VDAC1: variants seen among roughly 807,000 people sequenced by gnomAD.
The protein encoded by VDAC1 is non-selective voltage-gated ion channel VDAC1.
In VDAC1, 10 loss-of-function variants were observed where a neutral mutation model predicts 34.7. That is an observed-to-expected ratio of 0.29 (90% CI 0.18 to 0.49). The LOEUF (loss-of-function observed/expected upper bound fraction) is 0.49. Ranked by LOEUF, VDAC1 falls within the 20% of genes least tolerant of loss-of-function variation. The pLI is 0.99. For missense variants in VDAC1, 230 were observed against 347.9 expected (o/e 0.66, Z 2.69); for synonymous variants, 130 against 136.0 (o/e 0.96, Z 0.30).
intron 6 of VDAC1, among the ~76,000 whole-genome samples, chr5:133,978,681 AG>A (rs1487604348): frequency 6.6e-6 from 1 of 152,230 alleles, no homozygotes; most frequent in Non-Finnish European, 1.5e-5. Context: ...TCCTAAAACC[AG>A]GAACACAATA....
chr5:133,974,539 G>C (rs1752406104), intron 7 of VDAC1, among the ~76,000 whole-genome samples: 2 of 152,228 alleles, frequency 1.3e-5, no homozygotes, highest in African/African-American at 4.8e-5. Flanking sequence ...ACAGGAACTG[G>C]TATTAATGGA....
the VDAC1 span, among the ~76,000 whole-genome samples, chr5:134,010,958 A>G: frequency 7.1e-6 from 1 of 141,702 alleles, no homozygotes; most frequent in East Asian, 2.0e-4. Flanking sequence ...TTCCTCCCCT[A>G]CCCCCATTCC....
chr5:134,097,914 AGCTGGAGT>A, the VDAC1 span, among the ~76,000 whole-genome samples: 6 of 151,222 alleles, frequency 4.0e-5, no homozygotes, highest in African/African-American at 1.2e-4. Context: ...CTAGTTGCCT[AGCTGGAGT>A]GCAACGGCAA....
In VDAC1 at chr5:133,973,890, A is replaced by G. The variant is rs751322449; in HGVS notation, c.703-42T>C. 7 of 1,583,442 alleles carry G rather than the reference A, an allele frequency of 4.4e-6. No homozygotes were observed. The Admixed American group carries it at 1.1e-4, about 26-fold the overall frequency. On this transcript the variant is annotated intron_variant, in intron 7 of 8. Transcript: ENST00000265333. ...CAAAACAGAGAAAACATTAAGTATA[A>G]TACTTTGCACTTCCATCTCCAAAAT...
At chr5:133,990,515 T>C (rs1376816246) in intron 5 of VDAC1, among the ~76,000 whole-genome samples, 2 of 152,182 alleles carry the variant, frequency 1.3e-5, no homozygotes. Context: ...CTGGTCTGAA[T>C]CCTCTATTAG....
At chr5:134,038,286 A>C in the VDAC1 span, among the ~76,000 whole-genome samples, 9 of 152,346 alleles carry the variant, frequency 5.9e-5, no homozygotes, top group African/African-American at 2.2e-4. Context: ...AAACCACATA[A>C]ATATCTGGGG....
At chr5:134,009,106 G>A (rs185053250), upstream of VDAC1, among the ~76,000 whole-genome samples, 20 of 152,052 alleles carry the variant, frequency 1.3e-4, no homozygotes, top group Non-Finnish European at 2.8e-4. Context: ...AGGTGTCCTA[G>A]ATCTAATCTA....
At chr5:134,064,342 G>C in the VDAC1 span, among the ~76,000 whole-genome samples, 2 of 151,664 alleles carry the variant, frequency 1.3e-5, no homozygotes, top group Non-Finnish European at 2.9e-5. Context: ...GTCTTATTCT[G>C]TCACCCAGGC....
At chr5:134,010,968 C>T in the VDAC1 span, among the ~76,000 whole-genome samples, 1 of 137,246 alleles carries the variant, frequency 7.3e-6, no homozygotes, top group African/African-American at 2.6e-5. Flanking sequence ...ACCCCCATTC[C>T]CTTTTTTTTT....
the VDAC1 span, among the ~76,000 whole-genome samples, chr5:134,060,548 A>G: frequency 2.0e-5 from 3 of 151,916 alleles, 1 homozygote; most frequent in Non-Finnish European, 4.4e-5. Context: ...CACATTGAAA[A>G]GTACAGAAAA....
At chr5:134,062,739 G>A in the VDAC1 span, among the ~76,000 whole-genome samples, 2 of 151,550 alleles carry the variant, frequency 1.3e-5, no homozygotes, top group Admixed American at 1.3e-4. Flanking sequence ...CGATTCTCCC[G>A]CCTCAGCCTC....
chr5:134,005,856 T>A (rs1278051070), upstream of VDAC1, among the ~76,000 whole-genome samples: 1 of 152,214 alleles, frequency 6.6e-6, no homozygotes, highest in Non-Finnish European at 1.5e-5. Context: ...TCAACAAACG[T>A]CCTGGAAGGC....
At chr5:133,976,200 C>G (rs970704030) in intron 6 of VDAC1, 179 bp from the exon 7 acceptor site, 1 of 702,754 alleles carries the variant, frequency 1.4e-6, no homozygotes, top group Non-Finnish European at 2.3e-6. Context: ...TACAGGAAGT[C>G]TGATAAGTAT....
chr5:134,037,045 A>G, the VDAC1 span, among the ~76,000 whole-genome samples: 5 of 152,200 alleles, frequency 3.3e-5, no homozygotes, highest in African/African-American at 1.2e-4. Context: ...CCTCAGGCTG[A>G]TGAGGATGCA....
At chr5:133,995,695 T>G (rs1358271169) in intron 1 of VDAC1, among the ~76,000 whole-genome samples, 1 of 152,174 alleles carries the variant, frequency 6.6e-6, no homozygotes, top group African/African-American at 2.4e-5. Context: ...CCGAGACAGC[T>G]CTGCCGCTCC....
At chr5:134,090,326 T>C in the VDAC1 span, among the ~76,000 whole-genome samples, 1 of 152,194 alleles carries the variant, frequency 6.6e-6, no homozygotes, top group Non-Finnish European at 1.5e-5. Flanking sequence ...CCACACCAAT[T>C]AGCCTTGATT....
chr5:134,111,448 CACTA>C, the VDAC1 span, among the ~76,000 whole-genome samples: 6 of 152,170 alleles, frequency 3.9e-5, no homozygotes. Context: ...AGATTGCACT[CACTA>C]CCCTGTGGAA....
chr5:133,986,000 G>C (rs1419402402), intron 5 of VDAC1, among the ~76,000 whole-genome samples: 1 of 152,224 alleles, frequency 6.6e-6, no homozygotes, highest in East Asian at 1.9e-4. Context: ...AAAGGGCAGT[G>C]CTGGGGAGTG....
At chr5:133,990,817 G>C (rs1256964389) in intron 5 of VDAC1, 38 bp downstream of exon 5, 2 of 1,516,414 alleles carry the variant, frequency 1.3e-6, no homozygotes, top group South Asian at 2.7e-5. Flanking sequence ...TGCAACATCA[G>C]AGAACATCCT....
Sources: gnomAD v4.1 joint callset for allele counts (sites outside exome capture counted in the v4.1 genomes callset) on GRCh38, gnomAD v4.1.1 for gene constraint, MANE v1.5 for transcripts, NCBI Gene and HGNC (gene_info 2026-07-23, HGNC 2026-07-21) for gene names.